The following XYLT1 variants were observed in gnomAD, a reference collection of about 807,000 sequenced individuals.
XYLT1 encodes beta-D-xylosyltransferase 1.
XYLT1 carries 36 observed loss-of-function variants against 91.3 expected under a neutral mutation model. That is an observed-to-expected ratio of 0.39 (90% confidence interval 0.30 to 0.52). XYLT1 has a LOEUF of 0.52. XYLT1 is among the 20% of genes least tolerant of loss of function. The pLI, the probability that XYLT1 is intolerant of heterozygous loss-of-function variation, is 0.68. For synonymous variants in XYLT1, 588 were observed against 532.0 expected, an observed-to-expected ratio of 1.11 and a Z score of -1.45; for missense variants, 1,242 against 1,284.5, an observed-to-expected ratio of 0.97 and a Z score of 0.51.
intron 1 of XYLT1, among the ~76,000 whole-genome samples, chr16:17,425,576 A>AC (rs1385724753): frequency 2.0e-5 from 3 of 152,174 alleles, no homozygotes; most frequent in Non-Finnish European, 4.4e-5. Flanking sequence ...AACACATGGC[A>AC]CCCAAGCCCA....
intron 1 of XYLT1, among the ~76,000 whole-genome samples, chr16:17,415,351 GAATCCTAC>G (rs1439573745): frequency 6.6e-6 from 1 of 152,174 alleles, no homozygotes; most frequent in Non-Finnish European, 1.5e-5. Flanking sequence ...GAGTCTTTAT[GAATCCTAC>G]AGGCAGCAGG....
At chr16:17,197,088 G>C (rs1339391952) in intron 5 of XYLT1, among the ~76,000 whole-genome samples, 1 of 148,384 alleles carries the variant, frequency 6.7e-6, no homozygotes, top group East Asian at 1.9e-4. Context: ...CTTCCCTCTT[G>C]CTTGGACTAA....
intron 3 of XYLT1, among the ~76,000 whole-genome samples, chr16:17,210,775 T>C (rs550745147): frequency 6.6e-6 from 1 of 152,258 alleles, no homozygotes; most frequent in African/African-American, 2.4e-5. Flanking sequence ...TCGAATGGCA[T>C]TGAGTCAGGG....
intron 5 of XYLT1, among the ~76,000 whole-genome samples, chr16:17,197,555 C>T (rs1033305724): frequency 2.0e-5 from 3 of 152,020 alleles, no homozygotes; most frequent in Non-Finnish European, 2.9e-5. Context: ...ACATTTGAGT[C>T]AGTGGACTGG....
intron 8 of XYLT1, among the ~76,000 whole-genome samples, chr16:17,137,263 A>ATAAAAGTGATGTCTGCCCCAG (rs2030768557): frequency 6.6e-6 from 1 of 152,166 alleles, no homozygotes; most frequent in Non-Finnish European, 1.5e-5. Flanking sequence ...TACCTGAACA[A>ATAAAAGTGATGTCTGCCCCAG]TAAAAGTGAT....
At chr16:17,407,723 TAC>T (rs557316735) in intron 1 of XYLT1, among the ~76,000 whole-genome samples, 1 of 152,364 alleles carries the variant, frequency 6.6e-6, no homozygotes, top group African/African-American at 2.4e-5. Flanking sequence ...CAGGGCCTTC[TAC>T]CTTCTGGCTA....
chr16:17,381,498 C>T (rs562173041), intron 1 of XYLT1, among the ~76,000 whole-genome samples: 3 of 147,554 alleles, frequency 2.0e-5, no homozygotes, highest in Non-Finnish European at 3.0e-5. Context: ...GGCATGATCT[C>T]GGCTCACTGC....
intron 2 of XYLT1, among the ~76,000 whole-genome samples, chr16:17,306,145 A>T (rs1319528800): frequency 2.0e-5 from 3 of 152,200 alleles, no homozygotes; most frequent in Non-Finnish European, 4.4e-5. Context: ...ATTTCAGGGT[A>T]ACTTACCAAG....
intron 8 of XYLT1, among the ~76,000 whole-genome samples, chr16:17,135,633 T>C (rs2030689300): frequency 6.6e-6 from 1 of 150,662 alleles, no homozygotes; most frequent in East Asian, 2.0e-4. Flanking sequence ...GCAACCAAAC[T>C]CTCAAGGCAA....
At chr16:17,342,918 CGAT>C (rs1567383583) in intron 2 of XYLT1, among the ~76,000 whole-genome samples, 6 of 151,906 alleles carry the variant, frequency 3.9e-5, no homozygotes, top group Admixed American at 2.6e-4. Flanking sequence ...TTGATAATTG[CGAT>C]GATGAAAAGC....
chr16:17,405,570 C>T (rs958010009), intron 1 of XYLT1, among the ~76,000 whole-genome samples: 2 of 152,170 alleles, frequency 1.3e-5, no homozygotes, highest in Admixed American at 6.5e-5. Flanking sequence ...GCATCTTCCT[C>T]GGGGGCCGTA....
At chr16:17,181,708 G>C (rs752039561) in intron 5 of XYLT1, among the ~76,000 whole-genome samples, 1 of 152,052 alleles carries the variant, frequency 6.6e-6, no homozygotes, top group Non-Finnish European at 1.5e-5. Flanking sequence ...TTATTAGTGG[G>C]CTAGATATCT....
At chr16:17,345,928 A>G (rs2035138149) in intron 2 of XYLT1, among the ~76,000 whole-genome samples, 1 of 152,234 alleles carries the variant, frequency 6.6e-6, no homozygotes, top group Admixed American at 6.5e-5. Context: ...CTCCTGCCTC[A>G]GCCTCCCGAG....
chr16:17,298,586 GT>G (rs921285895), intron 2 of XYLT1, among the ~76,000 whole-genome samples: 3 of 152,170 alleles, frequency 2.0e-5, no homozygotes, highest in African/African-American at 7.2e-5. Context: ...TGAAAAACTG[GT>G]CTACCTGCTG....
intron 1 of XYLT1, among the ~76,000 whole-genome samples, chr16:17,450,750 C>T (rs1444741925): frequency 1.3e-5 from 2 of 152,142 alleles, no homozygotes; most frequent in East Asian, 3.9e-4. Context: ...TAAGACATTC[C>T]AGCACAGCAC....
chr16:17,294,862 G>T (rs533348933), intron 2 of XYLT1, among the ~76,000 whole-genome samples: 22 of 152,210 alleles, frequency 1.4e-4, no homozygotes, highest in African/African-American at 4.8e-4. Context: ...TATACAGCAG[G>T]TACTAGATGA....
chr16:17,163,091 A>G (rs1258569845), intron 5 of XYLT1, among the ~76,000 whole-genome samples: 3 of 152,242 alleles, frequency 2.0e-5, no homozygotes, highest in African/African-American at 7.2e-5. Context: ...TGAACTGTGG[A>G]AAACAGTGTA....
intron 5 of XYLT1, among the ~76,000 whole-genome samples, chr16:17,168,432 T>C (rs995216041): frequency 6.6e-6 from 1 of 152,218 alleles, no homozygotes; most frequent in Middle Eastern, 3.4e-3. Flanking sequence ...CACTGGGGAC[T>C]ACTAGAGAGG....
Position 17,134,157 on chromosome 16 carries a change from C to T in XYLT1, c.2027+316G>A, listed in dbSNP as rs551826927. Among the ~76,000 whole-genome samples the T allele has an allele frequency of 2.6e-5, 4 of 152,276 alleles. No homozygotes were observed. The East Asian group carries it at 7.7e-4, about 29-fold the overall frequency. On this transcript the variant is annotated intron_variant, in intron 9 of 11. Coordinates refer to ENST00000261381, the MANE Select transcript of XYLT1 (RefSeq NM_022166.4). Reference sequence around the variant, plus strand: ...CCATCAAAAAAAGTTTTGTACCTTCCACTTAAGACAAATGCTACATATGAT... The same window carrying T: ...CCATCAAAAAAAGTTTTGTACCTTCTACTTAAGACAAATGCTACATATGAT...
Sources: allele counts gnomAD v4.1 joint callset (sites outside exome capture counted in the v4.1 genomes callset), GRCh38; gene constraint gnomAD v4.1.1; transcripts MANE v1.5; gene names NCBI Gene and HGNC (gene_info 2026-07-23, HGNC 2026-07-21).